DNAAF4: variants seen among roughly 807,000 people sequenced by gnomAD.
DNAAF4 encodes the protein dynein axonemal assembly factor 4.
DNAAF4 carries 43 observed loss-of-function variants against 51.8 expected under a neutral mutation model. The ratio of observed to expected loss-of-function variants is 0.83; its 90% CI spans 0.65 to 1.07. The LOEUF (loss-of-function observed/expected upper bound fraction) is 1.07. Ranked by LOEUF, DNAAF4 falls within the 50% of genes least tolerant of loss-of-function variation. DNAAF4 has a pLI of 0.00. For synonymous variants in DNAAF4, 194 were observed against 165.6 expected, an observed-to-expected ratio of 1.17 and a Z score of -1.32; for missense variants, 581 against 493.0, an observed-to-expected ratio of 1.18 and a Z score of -1.69.
Position 55,439,535 on chromosome 15 carries a change from A to G in DNAAF4, c.830T>C (p.Ile277Thr), listed in dbSNP as rs768086668. Residue 277 changes from isoleucine to threonine, a missense_variant, in exon 7 of 10, where the codon ATA becomes ACA. Coordinates refer to ENST00000321149, the MANE Select transcript of DNAAF4 (RefSeq NM_130810.4). Reference sequence around the variant, plus strand: ...TTCTTTTAAATCGCAAAGTTCAGCTATGTCAGTATTCATTGCTCTTCGTGC... The same window carrying G: ...TTCTTTTAAATCGCAAAGTTCAGCTGTGTCAGTATTCATTGCTCTTCGTGC... ...AEARRAMNTDIAELCDLKEEE... is the reference protein window; with the variant it reads ...AEARRAMNTDTAELCDLKEEE... 3 of 1,614,102 alleles carry G rather than the reference A, an allele frequency of 1.9e-6. No homozygotes were observed. Among genetic ancestry groups the G allele is most frequent in the East Asian group, 2.2e-5 (1 of 44,870 alleles).
At chr15:55,435,236 G>C (rs768286700) in intron 7 of DNAAF4, among the ~76,000 whole-genome samples, 178 bp from the exon 8 acceptor site, 3 of 152,040 alleles carry the variant, frequency 2.0e-5, no homozygotes, top group Non-Finnish European at 4.4e-5. Context: ...CATTTGAATG[G>C]AATGGACCTC....
chr15:55,433,574 C>T (rs996982430), intron 8 of DNAAF4, among the ~76,000 whole-genome samples: 5 of 137,270 alleles, frequency 3.6e-5, no homozygotes, highest in Non-Finnish European at 7.6e-5. Context: ...TGCAGTGAGC[C>T]GAAATTGTGC....
At chr15:55,430,806 A>T in intron 9 of DNAAF4, 27 bp from the exon 10 acceptor site, 1 of 1,514,520 alleles carries the variant, frequency 6.6e-7, no homozygotes, top group South Asian at 1.2e-5. Flanking sequence ...ATGATGATTA[A>T]TACAATAAAT....
chr15:55,455,412 A>T (rs867809612), intron 5 of DNAAF4, among the ~76,000 whole-genome samples: 1 of 146,186 alleles, frequency 6.8e-6, no homozygotes, highest in Non-Finnish European at 1.5e-5. Flanking sequence ...ATATATATAT[A>T]TTCAATCTAA....
rs976370460 is a variant in DNAAF4, at chr15:55,418,936, TTTGAG to T, written c.1048-808_1048-804del. Among the ~76,000 whole-genome samples, 23 of 4,912 alleles carry T rather than the reference TTTGAG, an allele frequency of 4.7e-3. No homozygotes were observed. In the Non-Finnish European group the frequency reaches 0.1, roughly 22 times the overall value. 3.2% of individuals were successfully genotyped at this position (4,912 alleles called of 152,430 possible). ...ACAATTTCACACTTTTTTTTTTTTT[TTTGAG>T]TGAGTTGGAGTCTCGCTCTGTCGCC... On this transcript the variant is annotated intron_variant, in intron 7 of 7. Transcript: ENST00000448430.
chr15:55,446,646 GGGT>G (rs1319156442), intron 6 of DNAAF4, among the ~76,000 whole-genome samples: 10 of 144,114 alleles, frequency 6.9e-5, no homozygotes, highest in Middle Eastern at 4.2e-3. Flanking sequence ...TTCCCAGATG[GGGT>G]GGCGGCCGGG....
In DNAAF4 at chr15:55,445,845, A is replaced by G. The variant is rs375454799; in HGVS notation, c.783+4377T>C. On this transcript the variant is annotated intron_variant, in intron 6 of 9. Transcript: ENST00000321149. ...GGCAGAGGCGCTCCTCACATCCCAGACGGGGCAGCCGGGCAGAGGCGCTCC... is the reference window on the plus strand; with the variant it reads ...GGCAGAGGCGCTCCTCACATCCCAGGCGGGGCAGCCGGGCAGAGGCGCTCC... Among the ~76,000 whole-genome samples, 96 of 135,030 alleles carry G rather than the reference A, an allele frequency of 7.1e-4. 1 individual carries two copies. In the East Asian group the frequency reaches 0.018, roughly 26 times the overall value. The allele number at this position is 135,030 out of a possible 152,430, so 88.6% of individuals were successfully genotyped here.
intron 7 of DNAAF4, among the ~76,000 whole-genome samples, chr15:55,418,921 A>AC (rs1248965942): frequency 3.6e-5 from 1 of 27,616 alleles, no homozygotes; most frequent in African/African-American, 9.5e-5. Flanking sequence ...ACAATTTCAC[A>AC]CTTTTTTTTT....
intron 5 of DNAAF4, among the ~76,000 whole-genome samples, chr15:55,453,197 A>T (rs1029454103): frequency 6.6e-6 from 1 of 152,184 alleles, no homozygotes; most frequent in African/African-American, 2.4e-5. Context: ...GCTTGGAAAA[A>T]ATGTCTCTTG....
At chr15:55,436,712 G>A (rs1425116363) in intron 7 of DNAAF4, among the ~76,000 whole-genome samples, 1 of 151,918 alleles carries the variant, frequency 6.6e-6, no homozygotes, top group African/African-American at 2.4e-5. Flanking sequence ...TAGAAATTGG[G>A]TTTCACCATA....
At chr15:55,455,547 T>A (rs2058007448) in intron 5 of DNAAF4, among the ~76,000 whole-genome samples, 1 of 151,924 alleles carries the variant, frequency 6.6e-6, no homozygotes, top group Non-Finnish European at 1.5e-5. Context: ...TTCTCCTGCC[T>A]CAGCCTCCTG....
At chr15:55,453,391 C>T (rs183030519) in intron 5 of DNAAF4, among the ~76,000 whole-genome samples, 4 of 152,054 alleles carry the variant, frequency 2.6e-5, no homozygotes, top group East Asian at 1.9e-4. Context: ...ACAAATAAGA[C>T]GACTGGCTCC....
At chr15:55,460,768 T>C (rs939572897) in intron 5 of DNAAF4, among the ~76,000 whole-genome samples, 2 of 117,188 alleles carry the variant, frequency 1.7e-5, no homozygotes, top group Non-Finnish European at 3.8e-5. Flanking sequence ...GTCTCAATAA[T>C]TTTTTTTTTT....
At chr15:55,474,301 C>T (rs534277852) in intron 4 of DNAAF4, among the ~76,000 whole-genome samples, 76 of 152,130 alleles carry the variant, frequency 5.0e-4, no homozygotes, top group African/African-American at 1.7e-3. Context: ...TTTGGGAGGC[C>T]GAGGTGGGCA....
In DNAAF4 at chr15:55,477,855, C is replaced by T. The variant is rs1045154859; in HGVS notation, c.406-10694G>A. On this transcript the variant is annotated intron_variant, in intron 4 of 9. Transcript: ENST00000321149. ...CTGAGGCAGGTGGATCATTTAAGGT[C>T]AGGAATTTGAGATCCATCTGGCCAA... Among the ~76,000 whole-genome samples the T allele has an allele frequency of 1.1e-4, 16 of 150,356 alleles. 1 individual carries two copies. The highest frequency in any genetic ancestry group is 7.3e-4 in the Admixed American group (11 of 15,002).
chr15:55,504,451 C>A (rs886570894), intron 1 of DNAAF4, among the ~76,000 whole-genome samples: 1 of 152,164 alleles, frequency 6.6e-6, no homozygotes, highest in African/African-American at 2.4e-5. Flanking sequence ...CAAAAAAGAA[C>A]CCGCATAGCC....
chr15:55,433,790 T>TATAATTGTTTTTATAAAACAAATAC (rs2057538170), intron 8 of DNAAF4, among the ~76,000 whole-genome samples: 1 of 103,724 alleles, frequency 9.6e-6, no homozygotes, highest in African/African-American at 3.8e-5. Flanking sequence ...AAAACAAATA[T>TATAATTGTTTTTATAAAACAAATAC]ATATATTTGT....
chr15:55,427,401 A>T (rs752513706), downstream of DNAAF4, among the ~76,000 whole-genome samples: 24 of 152,010 alleles, frequency 1.6e-4, no homozygotes, highest in South Asian at 4.2e-4. Flanking sequence ...TTGGTGGGTG[A>T]GGTGAAGCTG....
rs375245936 is a variant in DNAAF4, at chr15:55,419,765, G to A, written c.1048-1632C>T. On this transcript the variant is annotated intron_variant, in intron 7 of 7. Coordinates refer to the DNAAF4 transcript ENST00000448430. ...TAATCCCAGCACATTGGGAGCCCGG[G>A]GCTGGTGGATCACCTGAGGTCAGGA... Among the ~76,000 whole-genome samples, 58 of 152,204 alleles carry A rather than the reference G, an allele frequency of 3.8e-4. 2 individuals are homozygous for A. The East Asian group carries it at 3.9e-3, about 10-fold the overall frequency.
Sources: gnomAD v4.1 joint callset for allele counts (sites outside exome capture counted in the v4.1 genomes callset) on GRCh38, gnomAD v4.1.1 for gene constraint, MANE v1.5 for transcripts, NCBI Gene and HGNC (gene_info 2026-07-23, HGNC 2026-07-21) for gene names.